Variants in SLC39A11 observed in about 807,000 individuals in gnomAD.
SLC39A11 encodes the protein zinc transporter ZIP11.
A neutral mutation model predicts 36.1 loss-of-function variants in SLC39A11; 33 were observed. The ratio of observed to expected loss-of-function variants is 0.91; its 90% CI spans 0.69 to 1.22. The LOEUF (loss-of-function observed/expected upper bound fraction) is 1.22, where lower values mean the gene tolerates loss of function less well. Among genes scored for constraint, SLC39A11 ranks in the 50% most tolerant of loss-of-function variants. The pLI is 0.00. For synonymous variants in SLC39A11, 166 were observed against 170.3 expected, an observed-to-expected ratio of 0.97 and a Z score of 0.20; for missense variants, 432 against 430.3, an observed-to-expected ratio of 1.00 and a Z score of -0.03.
intron 4 of SLC39A11, among the ~76,000 whole-genome samples, chr17:73,017,994 T>C (rs1000361560): frequency 6.6e-6 from 1 of 152,152 alleles, no homozygotes; most frequent in African/African-American, 2.4e-5. Flanking sequence ...CAACTAGTCT[T>C]AGCAAGGAAA....
At chr17:73,004,986 T>TTTTG (rs555751281) in intron 4 of SLC39A11, among the ~76,000 whole-genome samples, 155 of 152,068 alleles carry the variant, frequency 1.0e-3, no homozygotes, top group East Asian at 5.4e-3. Context: ...ACATGTCATG[T>TTTTG]TTTGTTTGTT....
intron 4 of SLC39A11, among the ~76,000 whole-genome samples, chr17:72,964,424 G>T (rs376305290): frequency 3.9e-5 from 6 of 152,234 alleles, no homozygotes; most frequent in Admixed American, 2.0e-4. Context: ...AGATGTAAGG[G>T]TATAAATGAA....
intron 5 of SLC39A11, among the ~76,000 whole-genome samples, chr17:72,906,247 A>G (rs1041172455): frequency 6.6e-6 from 1 of 152,210 alleles, no homozygotes; most frequent in African/African-American, 2.4e-5. Context: ...AGGTGACCAG[A>G]CCCCATTCAG....
chr17:72,864,928 A>C (rs1441548428), intron 5 of SLC39A11, among the ~76,000 whole-genome samples: 2 of 152,328 alleles, frequency 1.3e-5, no homozygotes, highest in African/African-American at 4.8e-5. Context: ...CTAGGGAGTA[A>C]AGATGAAAGC....
At chr17:72,983,118 GT>G (rs2088454289) in intron 4 of SLC39A11, among the ~76,000 whole-genome samples, 1 of 151,506 alleles carries the variant, frequency 6.6e-6, no homozygotes, top group South Asian at 2.1e-4. Flanking sequence ...TACCCAGGGT[GT>G]TTTTTGTTGT....
chr17:72,818,345 G>T (rs1345560094), intron 6 of SLC39A11, among the ~76,000 whole-genome samples: 6 of 152,144 alleles, frequency 3.9e-5, no homozygotes, highest in African/African-American at 1.4e-4. Flanking sequence ...CTATCTTGTA[G>T]CTCCTTGGAC....
chr17:72,905,576 G>GAAAAAAAAAAAAAAAA, intron 5 of SLC39A11, among the ~76,000 whole-genome samples: 1 of 151,438 alleles, frequency 6.6e-6, no homozygotes, highest in African/African-American at 2.4e-5. Context: ...CAGCCTGGGT[G>GAAAAAAAAAAAAAAAA]ACAGAGCAAG....
At chr17:72,827,431 C>T (rs947075541) in intron 6 of SLC39A11, among the ~76,000 whole-genome samples, 1 of 152,004 alleles carries the variant, frequency 6.6e-6, no homozygotes, top group African/African-American at 2.4e-5. Flanking sequence ...GGTGGTTGCA[C>T]AATTTTGTGA....
intron 5 of SLC39A11, among the ~76,000 whole-genome samples, chr17:72,916,057 C>G (rs2083312629): frequency 1.3e-5 from 2 of 152,168 alleles, no homozygotes; most frequent in African/African-American, 4.8e-5. Context: ...GCTGCTCCAT[C>G]TTTTGGAACA....
chr17:73,030,139 C>T (rs2101724), intron 4 of SLC39A11, among the ~76,000 whole-genome samples: 8,271 of 152,246 alleles, frequency 0.054, 517 homozygotes, highest in African/African-American at 0.14. Context: ...TCTAATGCCA[C>T]GGCTGATCTG....
At chr17:73,016,644 C>T (rs575052004) in intron 4 of SLC39A11, among the ~76,000 whole-genome samples, 4 of 152,058 alleles carry the variant, frequency 2.6e-5, no homozygotes, top group Admixed American at 2.6e-4. Flanking sequence ...CCAATGCACA[C>T]AAAACCTCCC....
At chr17:72,901,417 G>C (rs1210837784) in intron 5 of SLC39A11, among the ~76,000 whole-genome samples, 1 of 152,234 alleles carries the variant, frequency 6.6e-6, no homozygotes, top group Non-Finnish European at 1.5e-5. Context: ...GCCCTCTTGA[G>C]CTCTGAGCAA....
chr17:72,758,144 C>A (rs2075432636), intron 6 of SLC39A11, among the ~76,000 whole-genome samples: 1 of 152,122 alleles, frequency 6.6e-6, no homozygotes, highest in African/African-American at 2.4e-5. Flanking sequence ...CCTCCGCCTC[C>A]CAAAGTGCTG....
At chr17:72,891,389 C>A (rs1329076886) in intron 5 of SLC39A11, among the ~76,000 whole-genome samples, 1 of 152,104 alleles carries the variant, frequency 6.6e-6, no homozygotes, top group African/African-American at 2.4e-5. Flanking sequence ...GACGCCCCTG[C>A]CAACCTTCTC....
intron 6 of SLC39A11, among the ~76,000 whole-genome samples, chr17:72,831,879 T>C (rs1290032268): frequency 6.6e-6 from 1 of 152,106 alleles, no homozygotes; most frequent in African/African-American, 2.4e-5. Flanking sequence ...TGGCTGAGAG[T>C]AGAGCTTAAG....
chr17:72,869,752 C>T (rs2080509136), intron 5 of SLC39A11, among the ~76,000 whole-genome samples: 1 of 152,168 alleles, frequency 6.6e-6, no homozygotes, highest in African/African-American at 2.4e-5. Flanking sequence ...GGCATGTAAT[C>T]CCCATGCCCG....
chr17:72,943,062 G>A (rs1407296510), intron 5 of SLC39A11, among the ~76,000 whole-genome samples: 3 of 152,212 alleles, frequency 2.0e-5, no homozygotes, highest in African/African-American at 7.2e-5. Flanking sequence ...AGAAAGGGAT[G>A]ATTCCAAATA....
chr17:72,939,398 G>A (rs1255291540), intron 5 of SLC39A11, among the ~76,000 whole-genome samples: 2 of 150,742 alleles, frequency 1.3e-5, no homozygotes. Flanking sequence ...GGCGGAGGTT[G>A]CAGTGAGCTG....
At position 73,014,611 on chromosome 17, in the gene SLC39A11, C is replaced by T. The variant is rs577218020; in HGVS notation, c.306+16945G>A. Among the ~76,000 whole-genome samples, 269 of 152,332 alleles carry T rather than the reference C, an allele frequency of 1.8e-3. 2 individuals are homozygous for T. The highest frequency in any genetic ancestry group is 4.4e-3 in the African/African-American group (182 of 41,566). On this transcript the variant is annotated intron_variant, in intron 4 of 9. Transcript: ENST00000255559. ...GTTCAAGGCTGCAATGAACTGTGATCGTGCCACTGCACTCCAACTTGGGTG... is the reference window on the plus strand; with the variant it reads ...GTTCAAGGCTGCAATGAACTGTGATTGTGCCACTGCACTCCAACTTGGGTG...
Sources: allele counts gnomAD v4.1 joint callset (sites outside exome capture counted in the v4.1 genomes callset), GRCh38; gene constraint gnomAD v4.1.1; transcripts MANE v1.5; gene names NCBI Gene and HGNC (gene_info 2026-07-23, HGNC 2026-07-21).